SLC25A21: variants seen among roughly 807,000 people sequenced by gnomAD.
SLC25A21 encodes the protein solute carrier family 25 member 21, also known as mitochondrial 2-oxodicarboxylate carrier.
Under a neutral mutation model 43.8 loss-of-function variants are expected in SLC25A21, and 47 were observed. The observed-to-expected ratio is 1.07, with a 90% CI of 0.85 to 1.37. SLC25A21 has a LOEUF of 1.37. SLC25A21 is among the 40% of genes most tolerant of loss of function. The probability of loss-of-function intolerance (pLI) is 0.00; values close to 1 mark genes in which losing one functional copy is unlikely to be tolerated. For synonymous variants in SLC25A21, 131 were observed against 121.3 expected, an observed-to-expected ratio of 1.08 and a Z score of -0.52; for missense variants, 352 against 350.2, an observed-to-expected ratio of 1.00 and a Z score of -0.04.
At chr14:36,818,900 A>G (rs848077) in intron 2 of SLC25A21, among the ~76,000 whole-genome samples, 152,167 of 152,324 alleles carry the variant, frequency 1, 76,006 homozygotes, top group Middle Eastern at 1. Context: ...TTCCAGTTAC[A>G]TAATACAACC....
At chr14:36,805,657 A>G (rs781512301) in intron 3 of SLC25A21, among the ~76,000 whole-genome samples, 3 of 150,614 alleles carry the variant, frequency 2.0e-5, no homozygotes, top group Non-Finnish European at 4.5e-5. Context: ...TATTGAAATA[A>G]GTCACTGCCT....
At chr14:36,851,864 G>C (rs949311788) in intron 2 of SLC25A21, among the ~76,000 whole-genome samples, 2 of 152,094 alleles carry the variant, frequency 1.3e-5, no homozygotes, top group African/African-American at 4.8e-5. Context: ...TTGCTTGACA[G>C]TATATGAACA....
intron 1 of SLC25A21, among the ~76,000 whole-genome samples, chr14:37,100,034 G>A (rs1220290650): frequency 6.6e-6 from 1 of 150,760 alleles, no homozygotes. Flanking sequence ...CTCTATGTTT[G>A]TTTGTTTGTT....
intron 1 of SLC25A21, among the ~76,000 whole-genome samples, chr14:36,877,307 C>A (rs897206902): frequency 2.6e-4 from 39 of 152,196 alleles, no homozygotes; most frequent in African/African-American, 9.2e-4. Flanking sequence ...CTTGGAGAAT[C>A]AGACCACATT....
At chr14:36,772,400 T>G (rs1886652876) in intron 3 of SLC25A21, among the ~76,000 whole-genome samples, 2 of 152,252 alleles carry the variant, frequency 1.3e-5, no homozygotes. Context: ...CAAGAATGAT[T>G]TCTTTTGAAA....
intron 1 of SLC25A21, among the ~76,000 whole-genome samples, chr14:37,162,134 T>C (rs1963954993): frequency 1.3e-5 from 2 of 151,964 alleles, no homozygotes; most frequent in African/African-American, 4.8e-5. Flanking sequence ...TGGGTCAGAT[T>C]CTCCCTCACT....
intron 2 of SLC25A21, among the ~76,000 whole-genome samples, chr14:36,843,333 A>T (rs914797636): frequency 6.6e-5 from 10 of 152,202 alleles, no homozygotes; most frequent in Non-Finnish European, 1.5e-4. Flanking sequence ...TGGTTAAAAA[A>T]GTCCATTGTC....
chr14:36,972,075 T>C (rs1199816988), intron 1 of SLC25A21, among the ~76,000 whole-genome samples: 1 of 152,176 alleles, frequency 6.6e-6, no homozygotes, highest in African/African-American at 2.4e-5. Context: ...TATAACATAT[T>C]TTTATTGTAC....
intron 1 of SLC25A21, among the ~76,000 whole-genome samples, chr14:37,098,786 C>CAGACAGATAGATAGATAGAT (rs1555346899): frequency 7.2e-6 from 1 of 139,170 alleles, no homozygotes; most frequent in African/African-American, 3.0e-5. Flanking sequence ...GACAGACAGA[C>CAGACAGATAGATAGATAGAT]AGATAGATAG....
At chr14:36,849,242 C>T (rs1305559782) in intron 2 of SLC25A21, among the ~76,000 whole-genome samples, 1 of 152,136 alleles carries the variant, frequency 6.6e-6, no homozygotes, top group Non-Finnish European at 1.5e-5. Context: ...TTCTTCCTGT[C>T]CTATATGCCC....
chr14:36,774,766 A>G lies in SLC25A21; in HGVS notation c.203+39152T>C, dbSNP rs1021394869. ...TTTTTGTAGAGAACAAGGTCTTGCT[A>G]TGTTGCTCAGGCTGTAGAGACTCTT... On this transcript the variant is annotated intron_variant, in intron 3 of 9. Coordinates refer to ENST00000331299, the MANE Select transcript of SLC25A21 (RefSeq NM_030631.4). Among the ~76,000 whole-genome samples, 8 of 152,074 alleles carry G rather than the reference A, an allele frequency of 5.3e-5. No homozygotes were observed. The East Asian group carries it at 1.5e-3, about 29-fold the overall frequency.
chr14:36,928,522 T>C (rs1447692831), intron 1 of SLC25A21, among the ~76,000 whole-genome samples: 1 of 152,176 alleles, frequency 6.6e-6, no homozygotes, highest in African/African-American at 2.4e-5. Context: ...TTGTACATTA[T>C]GGATCTATGC....
intron 6 of SLC25A21, among the ~76,000 whole-genome samples, chr14:36,717,074 A>C (rs965343862): frequency 1.3e-5 from 2 of 152,206 alleles, no homozygotes; most frequent in African/African-American, 4.8e-5. Context: ...TTTGTTTAAA[A>C]AGAGGGGACC....
chr14:37,121,776 G>A lies in SLC25A21; in HGVS notation c.70+50505C>T, dbSNP rs147156798. 6.7e-3 allele frequency among the ~76,000 whole-genome samples: 947 copies of A among 140,408 alleles called. 8 individuals are homozygous for A. Among genetic ancestry groups the A allele is most frequent in the African/African-American group, 0.021 (813 of 37,824 alleles). The allele number at this position is 140,408 out of a possible 152,430, so 92.1% of individuals were successfully genotyped here. On this transcript the variant is annotated intron_variant, in intron 1 of 9. Coordinates refer to ENST00000331299, the MANE Select transcript of SLC25A21 (RefSeq NM_030631.4). ...TGCACTCCAGCCTGAGCGACGGAAC[G>A]AGACTCCATCTCAAAAAGAACCAAA...
At chr14:36,937,686 G>A (rs910566782) in intron 1 of SLC25A21, among the ~76,000 whole-genome samples, 43 of 152,128 alleles carry the variant, frequency 2.8e-4, no homozygotes, top group African/African-American at 9.9e-4. Flanking sequence ...ATAGGGCTGC[G>A]AGGAGACGGA....
chr14:36,753,435 T>G (rs1885791392), intron 3 of SLC25A21, among the ~76,000 whole-genome samples: 1 of 151,864 alleles, frequency 6.6e-6, no homozygotes, highest in Non-Finnish European at 1.5e-5. Flanking sequence ...GAGAGAAAAT[T>G]TAAAAATGGA....
intron 7 of SLC25A21, among the ~76,000 whole-genome samples, chr14:36,690,339 T>C (rs982155673): frequency 1.3e-5 from 2 of 152,176 alleles, no homozygotes; most frequent in African/African-American, 4.8e-5. Flanking sequence ...AAAATGTATA[T>C]ATGATATAAC....
intron 3 of SLC25A21, among the ~76,000 whole-genome samples, chr14:36,785,967 T>C (rs1160672352): frequency 6.6e-6 from 1 of 152,196 alleles, no homozygotes; most frequent in Admixed American, 6.5e-5. Context: ...AGTGAAGCAT[T>C]TTGATAGAAA....
chr14:37,015,945 C>T (rs967162753), intron 1 of SLC25A21, among the ~76,000 whole-genome samples: 19 of 151,306 alleles, frequency 1.3e-4, no homozygotes, highest in African/African-American at 3.9e-4. Context: ...GATATTAGCC[C>T]TTTGTCAGAT....
Sources: allele counts gnomAD v4.1 joint callset (sites outside exome capture counted in the v4.1 genomes callset), GRCh38; gene constraint gnomAD v4.1.1; transcripts MANE v1.5; gene names NCBI Gene and HGNC (gene_info 2026-07-23, HGNC 2026-07-21).